The following CDH4 variants were observed in gnomAD, a reference collection of about 807,000 sequenced individuals.
CDH4 encodes cadherin-4.
A neutral mutation model predicts 86.0 loss-of-function variants in CDH4; 33 were observed. The observed-to-expected ratio is 0.38, with a 90% CI of 0.29 to 0.51. The LOEUF is 0.51. CDH4 is among the 20% of genes least tolerant of loss of function. The pLI, the probability that CDH4 is intolerant of heterozygous loss-of-function variation, is 0.86. For synonymous variants in CDH4, 555 were observed against 549.4 expected, an observed-to-expected ratio of 1.01 and a Z score of -0.14; for missense variants, 1,114 against 1,307.4, an observed-to-expected ratio of 0.85 and a Z score of 2.28.
At chr20:61,851,944 C>T (rs886233147) in intron 5 of CDH4, among the ~76,000 whole-genome samples, 2 of 152,254 alleles carry the variant, frequency 1.3e-5, no homozygotes, top group Admixed American at 1.3e-4. Flanking sequence ...ATTGCAGGCC[C>T]TTGATGGGCA....
At chr20:61,859,138 T>C (rs1027530020) in intron 6 of CDH4, among the ~76,000 whole-genome samples, 1 of 152,328 alleles carries the variant, frequency 6.6e-6, no homozygotes, top group South Asian at 2.1e-4. Context: ...GGTTTTAATG[T>C]GTTTTCCCTC....
At chr20:61,834,655 G>A (rs756385913) in intron 4 of CDH4, among the ~76,000 whole-genome samples, 1 of 152,254 alleles carries the variant, frequency 6.6e-6, no homozygotes. Flanking sequence ...TCAGGGGATG[G>A]CATGGGCGAC....
At chr20:61,736,537 CTG>C (rs1258070548) in intron 2 of CDH4, among the ~76,000 whole-genome samples, 6 of 151,874 alleles carry the variant, frequency 4.0e-5, no homozygotes, top group Non-Finnish European at 7.4e-5. Context: ...CTGGCAGTCT[CTG>C]TGTCTGGTGT....
chr20:61,722,749 C>G (rs1372749723), intron 2 of CDH4, among the ~76,000 whole-genome samples: 1 of 152,070 alleles, frequency 6.6e-6, no homozygotes, highest in Admixed American at 6.5e-5. Flanking sequence ...CCTGCACTGA[C>G]AGATACACCC....
At chr20:61,795,030 G>A (rs1363209971) in intron 4 of CDH4, among the ~76,000 whole-genome samples, 1 of 148,306 alleles carries the variant, frequency 6.7e-6, no homozygotes, top group Non-Finnish European at 1.5e-5. Context: ...GGTGGGAGTG[G>A]TGGTGATGAT....
Position 61,853,016 on chromosome 20 carries a change from G to T in CDH4, c.877+118G>T, listed in dbSNP as rs1035730562. The T allele has an allele frequency of 2.1e-5, 22 of 1,056,904 alleles. No individual in the cohort carries two copies. In the African/African-American group the frequency reaches 3.3e-4, roughly 16 times the overall value. The allele number at this position is 1,056,904 out of a possible 1,614,324, so 65.5% of individuals were successfully genotyped here. A position where few individuals can be genotyped will look rare whatever the true frequency, so the allele number is the denominator to read the frequency against. On this transcript the variant is annotated intron_variant, in intron 6 of 15. Transcript: ENST00000614565. The stretch of plus-strand genomic sequence containing the variant: ...CTACCAGGATGGTGCCACGGGACTT[G>T]GGCGCAGACACACAGCATGCAGCAG...
chr20:61,928,395 G>C lies in CDH4; in HGVS notation c.1977G>C (p.Arg659=). The change falls in exon 12 of 16, where the codon CGG becomes CGC. Residue 659 remains arginine (R), a synonymous_variant. Transcript: ENST00000614565. ...FELPFVPAAV[R]KNWTITRLNG... ...TGCCCTTTGTCCCGGCGGCCGTGCG[G>C]AAGAACTGGACCATCACCCGCCTGA... The C allele has an allele frequency of 6.2e-7, 1 of 1,611,944 alleles. No homozygotes were observed. Among genetic ancestry groups the C allele is most frequent in the Non-Finnish European group, 8.5e-7 (1 of 1,179,992 alleles).
intron 2 of CDH4, among the ~76,000 whole-genome samples, chr20:61,260,312 T>C (rs998493687): frequency 6.6e-6 from 1 of 152,214 alleles, no homozygotes; most frequent in Non-Finnish European, 1.5e-5. Flanking sequence ...GGTAACTGTT[T>C]GTTGAATAAA....
At chr20:61,584,540 C>T (rs1325824148) in intron 2 of CDH4, among the ~76,000 whole-genome samples, 1 of 152,188 alleles carries the variant, frequency 6.6e-6, no homozygotes, top group Non-Finnish European at 1.5e-5. Flanking sequence ...CTGTCACATC[C>T]GCTGCTGTCT....
chr20:61,323,605 G>C (rs1419455042), intron 2 of CDH4, among the ~76,000 whole-genome samples: 1 of 152,130 alleles, frequency 6.6e-6, no homozygotes, highest in Non-Finnish European at 1.5e-5. Flanking sequence ...CCTGCTCCCT[G>C]ACGGTGATAA....
rs568059373 is a variant in CDH4, at chr20:61,451,128, C to A, written c.169+196191C>A. On this transcript the variant is annotated intron_variant, in intron 2 of 15. Transcript: ENST00000614565. ...CTTTTTCCCTCCCTCTCACGCCCCCCCCCTTCCCTCCGTGTCATCCTGCCA... is the reference window on the plus strand; with the variant it reads ...CTTTTTCCCTCCCTCTCACGCCCCCACCCTTCCCTCCGTGTCATCCTGCCA... Among the ~76,000 whole-genome samples the A allele has an allele frequency of 1.6e-4, 18 of 111,050 alleles. No homozygotes were observed. In the East Asian group the frequency reaches 4.8e-3, roughly 29 times the overall value. 72.9% of individuals were successfully genotyped at this position (111,050 alleles called of 152,430 possible).
At chr20:61,639,413 T>G (rs1352372975) in intron 2 of CDH4, among the ~76,000 whole-genome samples, 1 of 152,228 alleles carries the variant, frequency 6.6e-6, no homozygotes, top group Non-Finnish European at 1.5e-5. Flanking sequence ...AATTGATTTC[T>G]TGCTTTGATT....
chr20:61,536,741 G>A (rs1038532295), intron 2 of CDH4, among the ~76,000 whole-genome samples: 17 of 152,192 alleles, frequency 1.1e-4, no homozygotes, highest in African/African-American at 4.1e-4. Flanking sequence ...AGACAGCTTC[G>A]GTTGCCCCGT....
chr20:61,779,900 G>A (rs1316309543), intron 4 of CDH4, among the ~76,000 whole-genome samples: 4 of 152,246 alleles, frequency 2.6e-5, no homozygotes, highest in African/African-American at 4.8e-5. Flanking sequence ...TTAGCCCCAC[G>A]TTATCTTTAC....
chr20:61,580,485 TTAAAAA>T (rs1195172544), intron 2 of CDH4, among the ~76,000 whole-genome samples: 2 of 151,218 alleles, frequency 1.3e-5, no homozygotes, highest in Non-Finnish European at 1.5e-5. Context: ...AACCTCTACT[TTAAAAA>T]AAAAATTGCA....
chr20:61,583,028 A>C (rs1010530589), intron 2 of CDH4, among the ~76,000 whole-genome samples: 33 of 151,426 alleles, frequency 2.2e-4, no homozygotes, highest in Middle Eastern at 3.4e-3. Context: ...AGAATTGTAC[A>C]GTGTGTGGTC....
At chr20:61,430,261 C>G (rs1346654557) in intron 2 of CDH4, among the ~76,000 whole-genome samples, 3 of 152,312 alleles carry the variant, frequency 2.0e-5, no homozygotes, top group East Asian at 1.9e-4. Flanking sequence ...TTAGGGCATG[C>G]CTTCAGGGCC....
At chr20:61,455,637 C>A (rs1038676548) in intron 2 of CDH4, among the ~76,000 whole-genome samples, 2 of 152,192 alleles carry the variant, frequency 1.3e-5, no homozygotes, top group African/African-American at 4.8e-5. Context: ...TCCCATGTGC[C>A]ATGCAGGGTG....
chr20:61,574,276 G>A (rs1042294302), intron 2 of CDH4, among the ~76,000 whole-genome samples: 2 of 152,260 alleles, frequency 1.3e-5, no homozygotes, highest in Non-Finnish European at 2.9e-5. Flanking sequence ...TGCTCTCACT[G>A]GCCCAGCCAG....
Sources: allele counts gnomAD v4.1 joint callset (sites outside exome capture counted in the v4.1 genomes callset), GRCh38; gene constraint gnomAD v4.1.1; transcripts MANE v1.5; gene names NCBI Gene and HGNC (gene_info 2026-07-23, HGNC 2026-07-21).